Variants in POU6F2 observed in about 807,000 individuals in gnomAD.
The protein encoded by POU6F2 is POU domain, class 6, transcription factor 2.
In POU6F2, 31 loss-of-function variants were observed where a neutral mutation model predicts 71.3. The observed-to-expected ratio is 0.43, with a 90% CI of 0.33 to 0.59. POU6F2 has a LOEUF of 0.59. Ranked by LOEUF, POU6F2 falls within the 20% of genes least tolerant of loss-of-function variation. The probability of loss-of-function intolerance (pLI) is 0.04; values close to 1 mark genes in which losing one functional copy is unlikely to be tolerated. For synonymous variants in POU6F2, 347 were observed against 355.7 expected, an observed-to-expected ratio of 0.98 and a Z score of 0.27; for missense variants, 783 against 856.8, an observed-to-expected ratio of 0.91 and a Z score of 1.07.
In POU6F2 at chr7:38,999,768, T is replaced by C. The variant is rs536527439; in HGVS notation, c.105+21710T>C. On this transcript the variant is annotated intron_variant, in intron 1 of 9. Coordinates refer to ENST00000518318, the MANE Select transcript of POU6F2 (RefSeq NM_001370959.1). Reference sequence around the variant, plus strand: ...TTTGCTAGTAACGCTGTGACATTAATATTTTGAAAGCCCACTTTTAGATTT... The same window carrying C: ...TTTGCTAGTAACGCTGTGACATTAACATTTTGAAAGCCCACTTTTAGATTT... Among the ~76,000 whole-genome samples, 66 of 152,334 alleles carry C rather than the reference T, an allele frequency of 4.3e-4. 3 individuals are homozygous for C. The South Asian group carries it at 0.011, about 26-fold the overall frequency.
chr7:39,207,346 C>T (rs766639856), intron 3 of POU6F2, 46 bp from the exon 4 acceptor site: 3 of 1,576,550 alleles, frequency 1.9e-6, no homozygotes, highest in Admixed American at 3.4e-5. Flanking sequence ...AAACCCATGC[C>T]TTGGTTCCAC....
chr7:39,161,528 G>A (rs1468562200), intron 2 of POU6F2, among the ~76,000 whole-genome samples: 2 of 152,162 alleles, frequency 1.3e-5, no homozygotes, highest in Non-Finnish European at 2.9e-5. Context: ...TGGTATCTTT[G>A]TTTTATAGAT....
chr7:39,379,019 G>A (rs1281704438), intron 5 of POU6F2, among the ~76,000 whole-genome samples: 1 of 152,188 alleles, frequency 6.6e-6, no homozygotes, highest in Non-Finnish European at 1.5e-5. Flanking sequence ...TAGTGGAAAA[G>A]AGGAGGACAA....
At chr7:39,113,886 A>C (rs1200777378) in intron 2 of POU6F2, among the ~76,000 whole-genome samples, 1 of 152,192 alleles carries the variant, frequency 6.6e-6, no homozygotes, top group Non-Finnish European at 1.5e-5. Context: ...GGGTGGAGAA[A>C]AGAGCAAAAA....
At chr7:39,015,516 TA>T (rs1303223031) in intron 1 of POU6F2, among the ~76,000 whole-genome samples, 27,070 of 68,116 alleles carry the variant, frequency 0.4, 7,533 homozygotes, top group Middle Eastern at 0.54. Flanking sequence ...ATTATATATA[TA>T]ATATATCTAT....
At chr7:39,239,727 T>C (rs1783685359) in intron 4 of POU6F2, among the ~76,000 whole-genome samples, 1 of 146,282 alleles carries the variant, frequency 6.8e-6, no homozygotes, top group South Asian at 2.1e-4. Flanking sequence ...ATATTATTAA[T>C]TGTGATTTCT....
chr7:39,200,349 C>T (rs779688222), intron 2 of POU6F2, among the ~76,000 whole-genome samples: 2 of 152,172 alleles, frequency 1.3e-5, no homozygotes, highest in Non-Finnish European at 2.9e-5. Flanking sequence ...TCAGGAAGCT[C>T]CACAAATGAT....
chr7:39,249,810 A>G (rs1385380269), intron 4 of POU6F2, among the ~76,000 whole-genome samples: 1 of 152,190 alleles, frequency 6.6e-6, no homozygotes, highest in Non-Finnish European at 1.5e-5. Flanking sequence ...CGGTGCTTTT[A>G]GTGTCAGTCA....
intron 4 of POU6F2, among the ~76,000 whole-genome samples, chr7:39,298,287 G>A (rs1784889142): frequency 6.6e-6 from 1 of 152,108 alleles, no homozygotes; most frequent in African/African-American, 2.4e-5. Flanking sequence ...CTAATATCCA[G>A]AATTTACAAA....
chr7:39,003,381 C>A (rs1475356542), intron 1 of POU6F2, among the ~76,000 whole-genome samples: 3 of 151,384 alleles, frequency 2.0e-5, no homozygotes, highest in Non-Finnish European at 4.4e-5. Context: ...AAATACTCAG[C>A]GACCTGGATA....
At chr7:39,201,176 C>CACACAG (rs1793894796) in intron 2 of POU6F2, among the ~76,000 whole-genome samples, 2 of 152,198 alleles carry the variant, frequency 1.3e-5, no homozygotes, top group South Asian at 4.1e-4. Flanking sequence ...GAGAGGGGTA[C>CACACAG]TGTTGTTATC....
chr7:39,265,630 A>G (rs1784225944), intron 4 of POU6F2, among the ~76,000 whole-genome samples: 1 of 152,130 alleles, frequency 6.6e-6, no homozygotes, highest in Non-Finnish European at 1.5e-5. Context: ...TTTTTCCCCA[A>G]CCTGGTACCG....
chr7:39,060,304 A>G (rs1485551744), intron 1 of POU6F2, among the ~76,000 whole-genome samples: 1 of 152,186 alleles, frequency 6.6e-6, no homozygotes, highest in Non-Finnish European at 1.5e-5. Context: ...GAGACAGAAA[A>G]TCAGTAGTTT....
chr7:39,211,670 G>A (rs1476405248), intron 4 of POU6F2, among the ~76,000 whole-genome samples: 1 of 152,150 alleles, frequency 6.6e-6, no homozygotes, highest in Non-Finnish European at 1.5e-5. Context: ...TAGACATCTT[G>A]CAGGATCCTA....
rs369599649 is a variant in POU6F2, at chr7:39,030,859, CA to C, written c.105+52810del. Among the ~76,000 whole-genome samples the C allele has an allele frequency of 7.1e-3, 1,059 of 149,854 alleles. 13 individuals carry two copies. The highest frequency in any genetic ancestry group is 0.024 in the African/African-American group (976 of 40,810). On this transcript the variant is annotated intron_variant, in intron 1 of 9. Transcript: ENST00000518318. ...TTGCTTCATATCCTCCTGCCCCCCC[CA>C]AAAAAAAATTGAACTAAACTTTATT...
In POU6F2 at chr7:39,030,702, T is replaced by C. The variant is rs1417328146; in HGVS notation, c.105+52644T>C. ...TGTGTGGACATACATTTTCAACTCT[T>C]TGGGGGAAATGCCAAGGAGTGTGAC... On this transcript the variant is annotated intron_variant, in intron 1 of 9. Coordinates refer to ENST00000518318, the MANE Select transcript of POU6F2 (RefSeq NM_001370959.1). 4.6e-5 allele frequency among the ~76,000 whole-genome samples: 7 copies of C among 151,124 alleles called. No homozygotes were observed. In the East Asian group the frequency reaches 1.2e-3, roughly 25 times the overall value.
chr7:39,321,600 G>A (rs776279546), intron 4 of POU6F2, among the ~76,000 whole-genome samples: 1 of 152,110 alleles, frequency 6.6e-6, no homozygotes, highest in Non-Finnish European at 1.5e-5. Context: ...AAGAAATATT[G>A]ACATATCACC....
chr7:39,282,586 C>T (rs984757347), intron 4 of POU6F2, among the ~76,000 whole-genome samples: 12 of 151,934 alleles, frequency 7.9e-5, no homozygotes, highest in African/African-American at 1.9e-4. Flanking sequence ...AAAATCAGTT[C>T]GCTGTAAGTG....
intron 1 of POU6F2, 124 bp from the exon 2 acceptor site, chr7:39,085,736 A>G: frequency 2.1e-6 from 2 of 973,594 alleles, no homozygotes; most frequent in Non-Finnish European, 3.1e-6. Context: ...TAAGAGAGAG[A>G]GGAGAGAGGG....
Sources: gnomAD v4.1 joint callset for allele counts (sites outside exome capture counted in the v4.1 genomes callset) on GRCh38, gnomAD v4.1.1 for gene constraint, MANE v1.5 for transcripts, NCBI Gene and HGNC (gene_info 2026-07-23, HGNC 2026-07-21) for gene names.